The following RNF152 variants were observed in gnomAD, a reference collection of about 807,000 sequenced individuals.
RNF152 encodes the protein ring finger protein 152.
In RNF152, 11 loss-of-function variants were observed where a neutral mutation model predicts 12.7. The ratio of observed to expected loss-of-function variants is 0.86; its 90% confidence interval spans 0.54 to 1.43. RNF152 has a LOEUF of 1.43. Ranked by LOEUF, RNF152 falls within the 40% of genes most tolerant of loss-of-function variation. RNF152 has a pLI of 0.00. For missense variants in RNF152, 255 were observed against 274.8 expected (o/e 0.93, Z 0.51); for synonymous variants, 113 against 120.3 (o/e 0.94, Z 0.40).
intron 1 of RNF152, among the ~76,000 whole-genome samples, chr18:61,821,532 T>C (rs1366559815): frequency 1.3e-5 from 2 of 152,198 alleles, no homozygotes; most frequent in South Asian, 2.1e-4. Context: ...GCATCAACTA[T>C]AGAAGAAAGA....
Position 61,809,542 on chromosome 18 carries a change from T to C in RNF152, c.*6310A>G, listed in dbSNP as rs1912856173. On this transcript the variant is annotated 3_prime_UTR_variant, in exon 2 of 2. Transcript: ENST00000312828. ...CCCAATAACTCACACCCCAAGGAGA[T>C]TACAGAAGACTTTCACATGGGCTAC... 6.6e-6 allele frequency: 1 copy of C among 152,126 alleles called. No individual in the cohort carries two copies. The highest frequency in any genetic ancestry group is 2.4e-5 in the African/African-American group (1 of 41,416). The allele number at this position is 152,126 out of a possible 1,614,324, so 9.4% of individuals were successfully genotyped here.
rs1909380388 is a variant in RNF152, at chr18:61,821,047, A to G, written c.-135-4449T>C. On this transcript the variant is annotated intron_variant, in intron 1 of 1. Transcript: ENST00000312828. Reference sequence around the variant, plus strand: ...TCTCCACTTCCTCTCCACTCAGTCTAGTGCTCTGCACTGAGGCACATATCT... The same window carrying G: ...TCTCCACTTCCTCTCCACTCAGTCTGGTGCTCTGCACTGAGGCACATATCT... 2.0e-5 allele frequency among the ~76,000 whole-genome samples: 3 copies of G among 152,324 alleles called. 1 individual carries two copies. The Middle Eastern group carries it at 0.01, about 518-fold the overall frequency.
intron 1 of RNF152, among the ~76,000 whole-genome samples, chr18:61,872,505 T>C (rs1212646993): frequency 6.6e-6 from 1 of 152,210 alleles, no homozygotes; most frequent in Non-Finnish European, 1.5e-5. Flanking sequence ...AATTAACTCC[T>C]TGCAGTCCAA....
At position 61,832,736 on chromosome 18, in the gene RNF152, G is replaced by A. The variant is rs182963191; in HGVS notation, c.-135-16138C>T. Reference sequence around the variant, plus strand: ...ATCATTACAAGAGTCTTCTGGGCCAGCAAATAAAATCGACAGGATTTTAAA... The same window carrying A: ...ATCATTACAAGAGTCTTCTGGGCCAACAAATAAAATCGACAGGATTTTAAA... On this transcript the variant is annotated intron_variant, in intron 1 of 1. Transcript: ENST00000312828. Among the ~76,000 whole-genome samples the A allele has an allele frequency of 2.0e-4, 31 of 152,300 alleles. 1 individual carries two copies. In the East Asian group the frequency reaches 6.0e-3, roughly 29 times the overall value.
chr18:61,883,927 C>T (rs1315229089), intron 1 of RNF152, among the ~76,000 whole-genome samples: 1 of 152,200 alleles, frequency 6.6e-6, no homozygotes, highest in Non-Finnish European at 1.5e-5. Flanking sequence ...AAACCAAAGA[C>T]TCTGACAATA....
chr18:61,862,882 A>G (rs1249449146), intron 1 of RNF152, among the ~76,000 whole-genome samples: 1 of 152,112 alleles, frequency 6.6e-6, no homozygotes, highest in Non-Finnish European at 1.5e-5. Flanking sequence ...TTGGGGACTG[A>G]GCCCTCAATC....
At position 61,808,291 on chromosome 18, in the gene RNF152, T is replaced by C. The variant is rs1257879819; in HGVS notation, c.*7561A>G. 6.6e-6 allele frequency: 1 copy of C among 150,674 alleles called. No homozygotes were observed. The highest frequency in any genetic ancestry group is 1.5e-5 in the Non-Finnish European group (1 of 67,898). The allele number at this position is 150,674 out of a possible 1,614,324, so 9.3% of individuals were successfully genotyped here. On this transcript the variant is annotated 3_prime_UTR_variant, in exon 2 of 2. Transcript: ENST00000312828. ...GACATTCAGATTTATAAACAGCAGC[T>C]TGATATCCCCTTTACGAAGTCAATA...
intron 1 of RNF152, among the ~76,000 whole-genome samples, chr18:61,852,700 T>C (rs1000134195): frequency 1.3e-5 from 2 of 152,194 alleles, no homozygotes; most frequent in African/African-American, 2.4e-5. Flanking sequence ...GAGGTTCTGA[T>C]TCAATTGTCT....
At chr18:61,867,324 C>A (rs1006068351) in intron 1 of RNF152, among the ~76,000 whole-genome samples, 1 of 152,024 alleles carries the variant, frequency 6.6e-6, no homozygotes, top group Non-Finnish European at 1.5e-5. Flanking sequence ...TGGTGGCATG[C>A]TCCTGTAGTC....
rs1366592123 is a variant in RNF152 at position 61,810,804 on chromosome 18, C to T, written c.*5048G>A. On this transcript the variant is annotated 3_prime_UTR_variant, in exon 2 of 2. Transcript: ENST00000312828. The stretch of plus-strand genomic sequence containing the variant: ...ATAGTTTCTGTTTTGGTAAGAATTA[C>T]CTTGTAGGTGACAATTTACTGAGAA... The T allele has an allele frequency of 6.6e-6, 1 of 152,114 alleles. No individual in the cohort carries two copies. The highest frequency in any genetic ancestry group is 1.5e-5 in the Non-Finnish European group (1 of 68,026). 9.4% of individuals were successfully genotyped at this position (152,114 alleles called of 1,614,324 possible).
intron 1 of RNF152, among the ~76,000 whole-genome samples, chr18:61,881,930 CTTA>C (rs1385487251): frequency 6.6e-6 from 1 of 152,176 alleles, no homozygotes; most frequent in African/African-American, 2.4e-5. Context: ...TCTTAAATAA[CTTA>C]TTGTTTTGTT....
chr18:61,864,869 A>C (rs1568285875), intron 1 of RNF152, among the ~76,000 whole-genome samples: 1 of 152,168 alleles, frequency 6.6e-6, no homozygotes, highest in Non-Finnish European at 1.5e-5. Flanking sequence ...AAATACAAAA[A>C]ATTAGCCAGG....
chr18:61,824,538 G>T (rs539349615), intron 1 of RNF152, among the ~76,000 whole-genome samples: 35 of 152,304 alleles, frequency 2.3e-4, no homozygotes, highest in African/African-American at 8.4e-4. Context: ...TTTCTCCCTT[G>T]ATGCCTTCAG....
intron 1 of RNF152, among the ~76,000 whole-genome samples, chr18:61,856,989 C>A (rs975067671): frequency 6.6e-6 from 1 of 152,080 alleles, no homozygotes; most frequent in Non-Finnish European, 1.5e-5. Flanking sequence ...GAGCTATTAC[C>A]CAGGGCAACA....
chr18:61,853,244 G>A (rs1911066766), intron 1 of RNF152, among the ~76,000 whole-genome samples: 2 of 151,602 alleles, frequency 1.3e-5, no homozygotes, highest in Non-Finnish European at 2.9e-5. Flanking sequence ...CGAAGGTGTT[G>A]GCAGAGCTGT....
At chr18:61,818,705 G>C (rs79991965) in intron 1 of RNF152, among the ~76,000 whole-genome samples, 11,402 of 152,226 alleles carry the variant, frequency 0.075, 521 homozygotes, top group African/African-American at 0.12. Flanking sequence ...ATATAAATCA[G>C]ACCCAGATTC....
chr18:61,891,088 C>T (rs1486375982), intron 1 of RNF152, among the ~76,000 whole-genome samples: 1 of 152,180 alleles, frequency 6.6e-6, no homozygotes, highest in African/African-American at 2.4e-5. Flanking sequence ...AGTCCATTAT[C>T]TATCACAGAG....
chr18:61,884,501 C>A (rs1912603726), intron 1 of RNF152, among the ~76,000 whole-genome samples: 1 of 151,166 alleles, frequency 6.6e-6, no homozygotes, highest in Non-Finnish European at 1.5e-5. Flanking sequence ...CTACAGGAAG[C>A]TAGAAGGCAG....
chr18:61,863,156 C>T (rs1056276563), intron 1 of RNF152, among the ~76,000 whole-genome samples: 2 of 152,162 alleles, frequency 1.3e-5, no homozygotes, highest in Non-Finnish European at 2.9e-5. Flanking sequence ...AGTCCCTTAG[C>T]CAGGCGCGGT....
Sources: gnomAD v4.1 joint callset for allele counts (sites outside exome capture counted in the v4.1 genomes callset) on GRCh38, gnomAD v4.1.1 for gene constraint, MANE v1.5 for transcripts, NCBI Gene and HGNC (gene_info 2026-07-23, HGNC 2026-07-21) for gene names.